DENND1A: variants seen among roughly 807,000 people sequenced by gnomAD.
DENND1A encodes DENN domain containing 1A, also known as DENN domain-containing protein 1A.
DENND1A carries 51 observed loss-of-function variants against 113.7 expected under a neutral mutation model. The ratio of observed to expected loss-of-function variants is 0.45; its 90% CI spans 0.36 to 0.57. The LOEUF (loss-of-function observed/expected upper bound fraction) is 0.57. DENND1A is among the 20% of genes least tolerant of loss of function. The pLI is 0.00. For synonymous variants in DENND1A, 565 were observed against 570.8 expected (o/e 0.99, Z 0.14); for missense variants, 1,258 against 1,395.9 (o/e 0.90, Z 1.57).
rs945576820 is a variant in DENND1A at position 123,594,737 on chromosome 9, T to C, written c.766-11467A>G. On this transcript the variant is annotated intron_variant, in intron 11 of 23. Transcript: ENST00000394215. ...CAACTGGATGCATCAGAGAAAGGAT[T>C]TGAATCTGGGTTCCATGAGCCAGTG... Among the ~76,000 whole-genome samples the C allele has an allele frequency of 2.6e-5, 4 of 152,158 alleles. No individual in the cohort carries two copies. In the East Asian group the frequency reaches 7.7e-4, roughly 29 times the overall value.
intron 13 of DENND1A, among the ~76,000 whole-genome samples, chr9:123,557,060 G>C (rs1019511276): frequency 1.6e-4 from 25 of 152,238 alleles, no homozygotes; most frequent in Admixed American, 1.5e-3. Context: ...GGAGCCATGA[G>C]GCGTGAGACC....
At chr9:123,494,039 GC>G (rs2051636205) in intron 13 of DENND1A, among the ~76,000 whole-genome samples, 1 of 152,134 alleles carries the variant, frequency 6.6e-6, no homozygotes. Flanking sequence ...GTAGCCAGAG[GC>G]CCCCCACATT....
intron 10 of DENND1A, among the ~76,000 whole-genome samples, chr9:123,620,269 ATC>A (rs2060893937): frequency 6.6e-6 from 1 of 151,758 alleles, no homozygotes; most frequent in African/African-American, 2.4e-5. Flanking sequence ...GAAAAAAGAA[ATC>A]ATCCAAAGCT....
At position 123,833,068 on chromosome 9, in the gene DENND1A, T is replaced by C. The variant is rs566654795; in HGVS notation, c.89-40438A>G. On this transcript the variant is annotated intron_variant, in intron 2 of 23. Coordinates refer to ENST00000394215, the MANE Select transcript of DENND1A (RefSeq NM_001352964.2). ...TGAGCCCAGGAGTTTGAGGCTACAG[T>C]GTGCTATGATTGCGCCACTGCGCTC... is the stretch of plus-strand genomic sequence containing the variant. Among the ~76,000 whole-genome samples, 9 of 132,932 alleles carry C rather than the reference T, an allele frequency of 6.8e-5. No homozygotes were observed. The East Asian group carries it at 1.1e-3, about 16-fold the overall frequency. The allele number at this position is 132,932 out of a possible 152,430, so 87.2% of individuals were successfully genotyped here.
chr9:123,386,891 AG>A (rs2042593772), intron 22 of DENND1A, among the ~76,000 whole-genome samples: 1 of 152,148 alleles, frequency 6.6e-6, no homozygotes, highest in Non-Finnish European at 1.5e-5. Context: ...GAACAGGGAG[AG>A]GGTGCAGGGG....
intron 3 of DENND1A, among the ~76,000 whole-genome samples, chr9:123,787,822 TTGCTTA>T (rs1199491250): frequency 6.6e-6 from 1 of 152,208 alleles, no homozygotes; most frequent in Non-Finnish European, 1.5e-5. Flanking sequence ...TGTTTCTACA[TTGCTTA>T]TAGAGCTTGT....
At chr9:123,450,798 G>C in intron 17 of DENND1A, 49 bp from the exon 18 acceptor site, 1 of 1,500,948 alleles carries the variant, frequency 6.7e-7, no homozygotes, top group Non-Finnish European at 9.2e-7. Flanking sequence ...GTTTCCAGCA[G>C]GGACTATGCT....
chr9:123,500,076 C>T (rs2052336386), intron 13 of DENND1A, among the ~76,000 whole-genome samples: 1 of 152,168 alleles, frequency 6.6e-6, no homozygotes, highest in South Asian at 2.1e-4. Context: ...GGCCTTAATA[C>T]CTAGGTGATG....
intron 3 of DENND1A, among the ~76,000 whole-genome samples, chr9:123,780,689 C>A (rs879635922): frequency 2.0e-5 from 3 of 152,140 alleles, no homozygotes; most frequent in Non-Finnish European, 4.4e-5. Flanking sequence ...TGCCTAATAA[C>A]ATGAATTATA....
At chr9:123,420,490 T>C (rs1483094569) in intron 19 of DENND1A, among the ~76,000 whole-genome samples, 1 of 152,166 alleles carries the variant, frequency 6.6e-6, no homozygotes, top group Non-Finnish European at 1.5e-5. Context: ...CCGCGGGGTC[T>C]CACAGAGATG....
At chr9:123,887,581 G>A (rs898060248) in intron 1 of DENND1A, among the ~76,000 whole-genome samples, 2 of 151,752 alleles carry the variant, frequency 1.3e-5, no homozygotes, top group African/African-American at 4.8e-5. Context: ...AAGCATTAGG[G>A]CCCCCGAGAA....
intron 5 of DENND1A, among the ~76,000 whole-genome samples, chr9:123,719,748 T>C (rs978241363): frequency 1.3e-5 from 2 of 152,256 alleles, no homozygotes; most frequent in African/African-American, 4.8e-5. Flanking sequence ...TCATAACACA[T>C]AGCCTGAAGG....
intron 10 of DENND1A, among the ~76,000 whole-genome samples, chr9:123,629,932 T>C (rs923257442): frequency 6.6e-6 from 1 of 152,218 alleles, no homozygotes; most frequent in Non-Finnish European, 1.5e-5. Context: ...GAAAAGTTAC[T>C]ACCTATTCTC....
intron 1 of DENND1A, among the ~76,000 whole-genome samples, chr9:123,906,053 T>C (rs921266485): frequency 6.6e-6 from 1 of 151,954 alleles, no homozygotes; most frequent in African/African-American, 2.4e-5. Flanking sequence ...ATTAAGAATC[T>C]CACTCAAAAC....
At chr9:123,485,554 A>G (rs58605477) in intron 13 of DENND1A, 31,637 of 151,572 alleles carry the variant, frequency 0.21, 3,449 homozygotes, top group South Asian at 0.23. Flanking sequence ...TGAGTACCTG[A>G]CCATGGGCTT....
At chr9:123,830,421 GTGTA>G (rs142761154) in intron 2 of DENND1A, among the ~76,000 whole-genome samples, 7,689 of 152,022 alleles carry the variant, frequency 0.051, 266 homozygotes, top group Admixed American at 0.087. Flanking sequence ...AATTACGCAG[GTGTA>G]TACATGTTTC....
At chr9:123,684,722 C>T in intron 5 of DENND1A, among the ~76,000 whole-genome samples, 1 of 152,228 alleles carries the variant, frequency 6.6e-6, no homozygotes. Context: ...CTAGATGATT[C>T]ATTTTTCAAA....
At chr9:123,586,136 C>G (rs1170248273) in intron 11 of DENND1A, among the ~76,000 whole-genome samples, 1 of 152,154 alleles carries the variant, frequency 6.6e-6, no homozygotes, top group Admixed American at 6.5e-5. Flanking sequence ...CAGGACACAA[C>G]AGAGGACCGT....
chr9:123,483,946 C>T (rs1263914222), intron 13 of DENND1A, among the ~76,000 whole-genome samples: 1 of 152,164 alleles, frequency 6.6e-6, no homozygotes, highest in Non-Finnish European at 1.5e-5. Flanking sequence ...GATTTTTAGT[C>T]TCCTAGGACT....
Sources: allele counts gnomAD v4.1 joint callset (sites outside exome capture counted in the v4.1 genomes callset), GRCh38; gene constraint gnomAD v4.1.1; transcripts MANE v1.5; gene names NCBI Gene and HGNC (gene_info 2026-07-23, HGNC 2026-07-21).